MEIKIN: variants seen among roughly 807,000 people sequenced by gnomAD.
The protein encoded by MEIKIN is meiosis-specific kinetochore protein.
intron 9 of MEIKIN, among the ~76,000 whole-genome samples, chr5:131,873,514 C>T (rs1750546670): frequency 6.6e-6 from 1 of 152,136 alleles, no homozygotes; most frequent in Non-Finnish European, 1.5e-5. Flanking sequence ...CCTTAGTGAC[C>T]TACAAAGAGA....
chr5:131,939,448 ATC>A (rs748417393), intron 4 of MEIKIN, among the ~76,000 whole-genome samples: 9 of 151,788 alleles, frequency 5.9e-5, no homozygotes, highest in East Asian at 1.9e-4. Context: ...TTCATTAATT[ATC>A]TGTTGTTAGC....
chr5:131,834,892 G>C (rs1749775368), intron 11 of MEIKIN, among the ~76,000 whole-genome samples: 1 of 151,660 alleles, frequency 6.6e-6, no homozygotes, highest in South Asian at 2.1e-4. Flanking sequence ...CCATAACAAT[G>C]ATACCAATTT....
At chr5:131,901,533 G>A (rs189676583) in intron 8 of MEIKIN, among the ~76,000 whole-genome samples, 75 of 152,260 alleles carry the variant, frequency 4.9e-4, no homozygotes, top group African/African-American at 1.8e-3. Flanking sequence ...CACTGCTGCT[G>A]GCATGTACAA....
intron 9 of MEIKIN, among the ~76,000 whole-genome samples, chr5:131,866,611 G>C (rs1262296360): frequency 6.6e-6 from 1 of 152,208 alleles, no homozygotes; most frequent in African/African-American, 2.4e-5. Context: ...TTTGTCTTTG[G>C]AGTGTGTGAG....
intron 8 of MEIKIN, among the ~76,000 whole-genome samples, chr5:131,883,389 C>G (rs2149630067): frequency 6.6e-6 from 1 of 152,300 alleles, no homozygotes; most frequent in Non-Finnish European, 1.5e-5. Flanking sequence ...CATTTAATGA[C>G]TGATGTTGGC....
intron 9 of MEIKIN, among the ~76,000 whole-genome samples, chr5:131,875,968 T>TCCTTACAC (rs1443257386): frequency 6.6e-6 from 1 of 152,148 alleles, no homozygotes; most frequent in African/African-American, 2.4e-5. Flanking sequence ...ATGGATCCCT[T>TCCTTACAC]CCTTACACCT....
intron 8 of MEIKIN, among the ~76,000 whole-genome samples, chr5:131,890,137 C>T (rs1022844442): frequency 4.7e-5 from 7 of 149,268 alleles, no homozygotes; most frequent in East Asian, 1.9e-4. Flanking sequence ...AGGATTTTTG[C>T]GAAGGATATT....
chr5:131,907,345 T>A (rs1751258100), intron 8 of MEIKIN, among the ~76,000 whole-genome samples: 5 of 150,438 alleles, frequency 3.3e-5, no homozygotes, highest in Admixed American at 3.3e-4. Flanking sequence ...ACAAATGAAT[T>A]CGAAAACAAT....
intron 5 of MEIKIN, among the ~76,000 whole-genome samples, chr5:131,925,627 A>G (rs2149649440): frequency 6.6e-6 from 1 of 152,256 alleles, no homozygotes; most frequent in East Asian, 1.9e-4. Flanking sequence ...CTACAATTTT[A>G]CCAAATTCAT....
At chr5:131,936,272 T>C (rs1161928416) in intron 4 of MEIKIN, among the ~76,000 whole-genome samples, 2 of 152,246 alleles carry the variant, frequency 1.3e-5, no homozygotes, top group South Asian at 2.1e-4. Flanking sequence ...GACAAATAGT[T>C]CTACAAGGCT....
intron 5 of MEIKIN, among the ~76,000 whole-genome samples, chr5:131,933,299 G>A (rs1661182113): frequency 6.6e-6 from 1 of 152,166 alleles, no homozygotes; most frequent in African/African-American, 2.4e-5. Context: ...AATGCTAAAT[G>A]ACATTTCTTC....
At chr5:131,921,746 T>C in intron 6 of MEIKIN, 76 bp downstream of exon 6, 2 of 397,704 alleles carry the variant, frequency 5.0e-6, no homozygotes, top group Non-Finnish European at 8.9e-6. Context: ...AGACTTAGCT[T>C]AGAAATCATT....
At chr5:131,864,078 AG>A (rs1466089152) in intron 9 of MEIKIN, among the ~76,000 whole-genome samples, 6 of 152,268 alleles carry the variant, frequency 3.9e-5, no homozygotes, top group Non-Finnish European at 8.8e-5. Flanking sequence ...CATTTCTTGT[AG>A]GCAGCATATA....
At chr5:131,871,376 C>T (rs1303772811) in intron 9 of MEIKIN, among the ~76,000 whole-genome samples, 1 of 152,232 alleles carries the variant, frequency 6.6e-6, no homozygotes, top group African/African-American at 2.4e-5. Flanking sequence ...TCAGAGGGTC[C>T]TACGCCCAGA....
At chr5:131,815,541 A>G (rs368545528) in intron 12 of MEIKIN, among the ~76,000 whole-genome samples, 1 of 152,140 alleles carries the variant, frequency 6.6e-6, no homozygotes, top group East Asian at 1.9e-4. Flanking sequence ...TCCACAGGAG[A>G]CTAATTCTAT....
intron 11 of MEIKIN, among the ~76,000 whole-genome samples, chr5:131,849,690 G>A (rs1479033648): frequency 1.3e-5 from 2 of 150,616 alleles, no homozygotes; most frequent in East Asian, 2.0e-4. Context: ...GAAAATGAAC[G>A]AATACAGCCA....
intron 8 of MEIKIN, among the ~76,000 whole-genome samples, chr5:131,887,754 A>T (rs1159084533): frequency 2.6e-5 from 4 of 151,772 alleles, no homozygotes; most frequent in African/African-American, 4.8e-5. Flanking sequence ...CATGTGCACA[A>T]CATGCAGGTT....
intron 7 of MEIKIN, among the ~76,000 whole-genome samples, chr5:131,912,896 T>C (rs1751352717): frequency 6.6e-6 from 1 of 152,180 alleles, no homozygotes; most frequent in Non-Finnish European, 1.5e-5. Flanking sequence ...CCACCATTGG[T>C]TTCATCTCTG....
chr5:131,836,152 T>C (rs1749802727), intron 11 of MEIKIN, among the ~76,000 whole-genome samples: 1 of 152,174 alleles, frequency 6.6e-6, no homozygotes, highest in Non-Finnish European at 1.5e-5. Context: ...CCATATTTGG[T>C]TTTCTGTTCC....
Sources: allele counts gnomAD v4.1 joint callset (sites outside exome capture counted in the v4.1 genomes callset), GRCh38; gene constraint gnomAD v4.1.1; transcripts MANE v1.5; gene names NCBI Gene and HGNC (gene_info 2026-07-23, HGNC 2026-07-21).